Variants in KIF18A observed in about 807,000 individuals in gnomAD.
KIF18A encodes kinesin-like protein KIF18A.
KIF18A carries 67 observed loss-of-function variants against 103.3 expected under a neutral mutation model. The ratio of observed to expected loss-of-function variants is 0.65; its 90% CI spans 0.53 to 0.79. The LOEUF (loss-of-function observed/expected upper bound fraction) is 0.79, where lower values mean the gene tolerates loss of function less well. Ranked by LOEUF, KIF18A falls within the 30% of genes least tolerant of loss-of-function variation. KIF18A has a pLI of 0.00. For missense variants in KIF18A, 1,032 were observed against 1,062.5 expected (o/e 0.97, Z 0.40); for synonymous variants, 367 against 355.5 (o/e 1.03, Z -0.36).
At chr11:28,078,261 T>C (rs1223067734) in intron 9 of KIF18A, among the ~76,000 whole-genome samples, 1 of 152,158 alleles carries the variant, frequency 6.6e-6, no homozygotes, top group African/African-American at 2.4e-5. Flanking sequence ...TACTGCAGTT[T>C]TGTCAAACTG....
chr11:28,052,816 G>GA (rs1008338838), intron 13 of KIF18A, among the ~76,000 whole-genome samples: 2 of 151,344 alleles, frequency 1.3e-5, no homozygotes, highest in Non-Finnish European at 2.9e-5. Flanking sequence ...TTGAATGAAT[G>GA]AAAAAAAACC....
At chr11:28,083,911 T>C (rs1851196240) in intron 7 of KIF18A, among the ~76,000 whole-genome samples, 2 of 152,104 alleles carry the variant, frequency 1.3e-5, no homozygotes, top group Non-Finnish European at 2.9e-5. Flanking sequence ...CATGCTCATC[T>C]TCAGACACTT....
intron 5 of KIF18A, among the ~76,000 whole-genome samples, chr11:28,089,613 T>TCTGTTGTAATCTTATGGGACCA (rs1167130289): frequency 6.6e-6 from 1 of 152,206 alleles, no homozygotes; most frequent in Non-Finnish European, 1.5e-5. Context: ...ACTTTTCAGC[T>TCTGTTGTAATCTTATGGGACCA]CTGTTGTAAT....
intron 13 of KIF18A, among the ~76,000 whole-genome samples, chr11:28,040,022 T>C (rs527858071): frequency 1.3e-5 from 2 of 151,786 alleles, no homozygotes; most frequent in South Asian, 4.2e-4. Flanking sequence ...AAACAAAATT[T>C]AAAGGTTTAA....
Position 28,062,479 on chromosome 11 carries a change from A to G in KIF18A, c.1628T>C (p.Leu543Pro), listed in dbSNP as rs765813359. ...TTGTGCTTTCAAATCTTTGTTCTGG[A>G]GGTGCAAATGGTGACAATGAAGATC... ...KKDLHCHHLH[L>P]QNKDLKAQIR... Residue 543 changes from leucine (L) to proline (P), a missense_variant, in exon 12 of 17, where the codon CTC (leucine) becomes CCC (proline). Physicochemically the swap from Leu to Pro is moderately conservative, Grantham distance 98. Transcript: ENST00000263181. The G allele has an allele frequency of 1.1e-5, 18 of 1,611,574 alleles. No individual in the cohort carries two copies. The highest frequency in any genetic ancestry group is 1.2e-5 in the Non-Finnish European group (14 of 1,178,544).
rs1302761583 is a variant in KIF18A, at chr11:28,084,631, C to A, written c.1074+1G>T. The A allele has an allele frequency of 6.3e-7, 1 of 1,599,802 alleles. No homozygotes were observed. Reference sequence around the variant, plus strand: ...AACAAAGGCAGAGTAAACAGACTTACAGAAGATTTAATGTCCTTTGCCCGG... The same window carrying A: ...AACAAAGGCAGAGTAAACAGACTTAAAGAAGATTTAATGTCCTTTGCCCGG... On this transcript the variant is annotated splice_donor_variant, in intron 7 of 16. Coordinates refer to ENST00000263181, the MANE Select transcript of KIF18A (RefSeq NM_031217.4). LOFTEE classifies it high-confidence loss of function.
chr11:28,056,064 T>C (rs1850776228), intron 13 of KIF18A, among the ~76,000 whole-genome samples: 1 of 151,918 alleles, frequency 6.6e-6, no homozygotes, highest in Non-Finnish European at 1.5e-5. Context: ...CAATACCTAA[T>C]ACTATATATA....
intron 15 of KIF18A, among the ~76,000 whole-genome samples, chr11:28,034,436 T>A (rs181390043): frequency 1.0e-3 from 159 of 151,850 alleles, no homozygotes; most frequent in African/African-American, 3.5e-3. Context: ...GCCCTACTCC[T>A]AGTGAAACAC....
intron 11 of KIF18A, among the ~76,000 whole-genome samples, chr11:28,062,951 A>G (rs1850874436): frequency 1.3e-5 from 2 of 152,076 alleles, no homozygotes; most frequent in African/African-American, 4.8e-5. Flanking sequence ...GTATTCATTT[A>G]TTTATAATTT....
intron 1 of KIF18A, among the ~76,000 whole-genome samples, chr11:28,107,068 A>G (rs540493467): frequency 6.6e-6 from 1 of 152,350 alleles, no homozygotes; most frequent in Non-Finnish European, 1.5e-5. Context: ...TTTGTAGATA[A>G]TCTTTGTTTA....
chr11:28,095,839 G>T (rs1851361793), intron 2 of KIF18A, among the ~76,000 whole-genome samples: 1 of 150,706 alleles, frequency 6.6e-6, no homozygotes, highest in Admixed American at 6.6e-5. Context: ...GTGAGACCCT[G>T]TATCCACAAA....
At position 28,094,396 on chromosome 11, in the gene KIF18A, T is replaced by C. The variant is rs565468207; in HGVS notation, c.483+247A>G. Among the ~76,000 whole-genome samples, 8 of 151,938 alleles carry C rather than the reference T, an allele frequency of 5.3e-5. No individual in the cohort carries two copies. The South Asian group carries it at 1.2e-3, about 24-fold the overall frequency. ...GCAAATGCAGTAAAATGCTAACATA[T>C]GGGGGATCTGTATGAAGGGTATCTG... On this transcript the variant is annotated intron_variant, in intron 3 of 16. Coordinates refer to ENST00000263181, the MANE Select transcript of KIF18A (RefSeq NM_031217.4).
chr11:28,077,245 C>G, intron 9 of KIF18A, 76 bp from the exon 10 acceptor site: 1 of 1,017,688 alleles, frequency 9.8e-7, no homozygotes. Context: ...AAGAGAAATG[C>G]ATAAACAAAG....
At chr11:28,055,915 C>T (rs188611280) in intron 13 of KIF18A, among the ~76,000 whole-genome samples, 1 of 152,262 alleles carries the variant, frequency 6.6e-6, no homozygotes, top group East Asian at 1.9e-4. Flanking sequence ...ATAGTTGTCT[C>T]TCAGTATCTG....
At position 28,062,503 on chromosome 11, in the gene KIF18A, T is replaced by C; in HGVS notation, c.1604A>G (p.Asp535Gly). The stretch of plus-strand genomic sequence containing the variant: ...GAGGTGCAAATGGTGACAATGAAGA[T>C]CTTTCTTGAGTTCCTAGGGCAAACA... ...NGHIPKELKK[D>G]LHCHHLHLQN... The change falls in exon 12 of 17, where the codon GAT becomes GGT. Residue 535 changes from aspartate (D) to glycine (G), a missense_variant. By Grantham distance (94) the Asp-to-Gly change is moderately conservative. Transcript: ENST00000263181. 3 of 1,610,844 alleles carry C rather than the reference T, an allele frequency of 1.9e-6. No homozygotes were observed. Among genetic ancestry groups the C allele is most frequent in the Non-Finnish European group, 1.7e-6 (2 of 1,178,128 alleles).
rs2133481367 is a variant in KIF18A, at chr11:28,023,858, G to T, written c.2505-8C>A. On this transcript the variant is annotated splice_region_variant and splice_polypyrimidine_tract_variant and intron_variant, in intron 15 of 16. Transcript: ENST00000263181. ...GAACTGTTTGATGTAGAACTTGAGA[G>T]GAAAAGTTTTTAATTTAGTTAAGCA... 6.4e-7 allele frequency: 1 copy of T among 1,558,622 alleles called. No individual in the cohort carries two copies. The highest frequency in any genetic ancestry group is 1.1e-5 in the South Asian group (1 of 87,628).
chr11:28,059,176 T>A lies in KIF18A; in HGVS notation c.1713-15A>T. On this transcript the variant is annotated splice_polypyrimidine_tract_variant and intron_variant, in intron 12 of 16. Coordinates refer to ENST00000263181, the MANE Select transcript of KIF18A (RefSeq NM_031217.4). ...CATTCAATACTCTATATACAGAAGA[T>A]GAGAAGAAAGGAGAGATAAATATGA... is the stretch of plus-strand genomic sequence containing the variant. 1 of 1,547,686 alleles carries A rather than the reference T, an allele frequency of 6.5e-7. No homozygotes were observed. The highest frequency in any genetic ancestry group is 8.9e-7 in the Non-Finnish European group (1 of 1,122,460).
chr11:28,069,452 C>A, intron 10 of KIF18A, 29 bp from the exon 11 acceptor site: 2 of 1,597,628 alleles, frequency 1.3e-6, no homozygotes, highest in Non-Finnish European at 1.7e-6. Flanking sequence ...AACAGTAAAT[C>A]TAATTTTTAT....
chr11:28,036,217 C>T lies in KIF18A; in HGVS notation c.2396G>A (p.Arg799Gln), dbSNP rs747222803. ...LPNDNKDILQRLDPSSFSTKH... is the reference protein window; with the variant it reads ...LPNDNKDILQQLDPSSFSTKH... ...ATTGGCAAATATTATTTTTTTGTAC[C>T]GTTGTAAAATGTCTTTGTTATCATT... Residue 799 changes from arginine to glutamine, a missense_variant and splice_region_variant, in exon 14 of 17, where the codon CGG becomes CAG. By Grantham distance (43) the Arg-to-Gln change is conservative (BLOSUM62 1). Transcript: ENST00000263181. 2.0e-5 allele frequency: 30 copies of T among 1,526,582 alleles called. No individual in the cohort carries two copies. The highest frequency in any genetic ancestry group is 4.2e-5 in the African/African-American group (3 of 70,916). The allele number at this position is 1,526,582 out of a possible 1,614,324, so 94.6% of individuals were successfully genotyped here.
Sources: allele counts gnomAD v4.1 joint callset (sites outside exome capture counted in the v4.1 genomes callset), GRCh38; gene constraint gnomAD v4.1.1; transcripts MANE v1.5; gene names NCBI Gene and HGNC (gene_info 2026-07-23, HGNC 2026-07-21).